Variants in EXOC6B observed in about 807,000 individuals in gnomAD.
EXOC6B encodes the protein SEC15 homolog B.
A neutral mutation model predicts 113.5 loss-of-function variants in EXOC6B; 54 were observed. The observed-to-expected ratio is 0.48, with a 90% CI of 0.38 to 0.60. The LOEUF (loss-of-function observed/expected upper bound fraction) is 0.60. Among genes scored for constraint, EXOC6B ranks in the 20% least tolerant of loss-of-function variants. EXOC6B has a pLI of 0.00. For synonymous variants in EXOC6B, 357 were observed against 339.0 expected (o/e 1.05, Z -0.58); for missense variants, 797 against 977.5 (o/e 0.82, Z 2.46).
chr2:72,734,447 A>C (rs1168795011), intron 2 of EXOC6B, among the ~76,000 whole-genome samples: 1 of 152,206 alleles, frequency 6.6e-6, no homozygotes, highest in East Asian at 1.9e-4. Context: ...TAATGGAAGC[A>C]TTGTCTAAAA....
At chr2:72,338,960 C>CACATACACAT (rs1688863148) in intron 19 of EXOC6B, among the ~76,000 whole-genome samples, 1 of 146,692 alleles carries the variant, frequency 6.8e-6, no homozygotes, top group Admixed American at 6.8e-5. Context: ...CATACACATA[C>CACATACACAT]ACATACATAC....
chr2:72,235,742 C>T (rs1681920660), intron 20 of EXOC6B, among the ~76,000 whole-genome samples: 1 of 151,862 alleles, frequency 6.6e-6, no homozygotes, highest in Admixed American at 6.6e-5. Flanking sequence ...GTGGTGCCAC[C>T]CTTGTCTGCC....
chr2:72,788,282 T>C (rs1446062405), intron 1 of EXOC6B, among the ~76,000 whole-genome samples: 1 of 152,218 alleles, frequency 6.6e-6, no homozygotes, highest in Non-Finnish European at 1.5e-5. Context: ...TTAACTGTTG[T>C]TATTATTAAA....
chr2:72,736,895 A>G (rs1197757753), intron 2 of EXOC6B, among the ~76,000 whole-genome samples: 1 of 152,034 alleles, frequency 6.6e-6, no homozygotes, highest in Non-Finnish European at 1.5e-5. Context: ...CTAGGTGAGG[A>G]CAAATAGCAT....
chr2:72,817,017 T>A (rs1368877127), intron 1 of EXOC6B, among the ~76,000 whole-genome samples: 1 of 152,226 alleles, frequency 6.6e-6, no homozygotes, highest in African/African-American at 2.4e-5. Flanking sequence ...GGACATTTTT[T>A]AAAAACAAGT....
At chr2:72,757,765 A>C (rs1304690550) in intron 1 of EXOC6B, among the ~76,000 whole-genome samples, 3 of 152,058 alleles carry the variant, frequency 2.0e-5, no homozygotes, top group African/African-American at 7.2e-5. Context: ...TCCCTCACAA[A>C]CCCAAGAAGC....
chr2:72,716,883 T>C (rs192677800), intron 6 of EXOC6B, among the ~76,000 whole-genome samples: 13 of 152,296 alleles, frequency 8.5e-5, no homozygotes, highest in Admixed American at 2.0e-4. Context: ...GCAACTTCCA[T>C]AGAGGCTTTG....
intron 18 of EXOC6B, among the ~76,000 whole-genome samples, chr2:72,439,320 A>G (rs1392121196): frequency 6.6e-6 from 1 of 152,196 alleles, no homozygotes; most frequent in African/African-American, 2.4e-5. Flanking sequence ...AGATACCCTG[A>G]AATACGTTTT....
chr2:72,738,280 T>C (rs1437743199), intron 2 of EXOC6B, among the ~76,000 whole-genome samples: 1 of 152,302 alleles, frequency 6.6e-6, no homozygotes, highest in South Asian at 2.1e-4. Context: ...GCCCTCTCCA[T>C]TTCATTCCCC....
chr2:72,631,892 T>A (rs1377060193), intron 6 of EXOC6B, among the ~76,000 whole-genome samples: 2 of 152,038 alleles, frequency 1.3e-5, no homozygotes, highest in African/African-American at 4.8e-5. Context: ...TACATATTCA[T>A]AACAGAATAC....
At chr2:72,236,085 G>C (rs1337795653) in intron 20 of EXOC6B, among the ~76,000 whole-genome samples, 1 of 152,174 alleles carries the variant, frequency 6.6e-6, no homozygotes, top group Non-Finnish European at 1.5e-5. Flanking sequence ...GTGATGTCTA[G>C]AAGAGTTAAT....
chr2:72,276,179 T>C (rs1343273054), intron 20 of EXOC6B, among the ~76,000 whole-genome samples: 2 of 152,158 alleles, frequency 1.3e-5, no homozygotes, highest in East Asian at 3.9e-4. Flanking sequence ...GGCCTCCACT[T>C]TGGGGGTAGA....
At chr2:72,708,070 A>T (rs1679004088) in intron 6 of EXOC6B, among the ~76,000 whole-genome samples, 1 of 152,174 alleles carries the variant, frequency 6.6e-6, no homozygotes, top group African/African-American at 2.4e-5. Context: ...AAAAATTTAG[A>T]AAATAAAACC....
intron 20 of EXOC6B, among the ~76,000 whole-genome samples, chr2:72,225,865 A>G (rs1169559558): frequency 2.0e-5 from 3 of 152,214 alleles, no homozygotes; most frequent in Admixed American, 6.5e-5. Flanking sequence ...AATTTGGTAA[A>G]TGCATGTAAG....
intron 19 of EXOC6B, among the ~76,000 whole-genome samples, chr2:72,363,922 A>G (rs115054521): frequency 2.6e-3 from 397 of 152,166 alleles, no homozygotes; most frequent in African/African-American, 9.0e-3. Flanking sequence ...TGCATATAAT[A>G]CCTCTATGCA....
intron 19 of EXOC6B, among the ~76,000 whole-genome samples, chr2:72,369,451 G>A (rs1690862272): frequency 6.6e-6 from 1 of 152,154 alleles, no homozygotes; most frequent in South Asian, 2.1e-4. Flanking sequence ...GTAATTTATA[G>A]ATTCAATGCC....
chr2:72,642,929 A>G (rs1465225609), intron 6 of EXOC6B, among the ~76,000 whole-genome samples: 1 of 148,912 alleles, frequency 6.7e-6, no homozygotes, highest in Non-Finnish European at 1.5e-5. Flanking sequence ...AAAAAAACAA[A>G]CAACCCCATC....
At chr2:72,563,210 T>A (rs1365283771) in intron 7 of EXOC6B, among the ~76,000 whole-genome samples, 2 of 152,130 alleles carry the variant, frequency 1.3e-5, no homozygotes, top group South Asian at 2.1e-4. Context: ...CAGAGGTAGA[T>A]ATAATGGAAG....
chr2:72,589,007 T>C (rs1043987646), intron 6 of EXOC6B, among the ~76,000 whole-genome samples: 3 of 151,764 alleles, frequency 2.0e-5, no homozygotes, highest in Non-Finnish European at 2.9e-5. Context: ...AGTAAAAAAT[T>C]AAAAGAATTA....
Sources: allele counts gnomAD v4.1 joint callset (sites outside exome capture counted in the v4.1 genomes callset), GRCh38; gene constraint gnomAD v4.1.1; transcripts MANE v1.5; gene names NCBI Gene and HGNC (gene_info 2026-07-23, HGNC 2026-07-21).